The following PRX variants were observed in gnomAD, a reference collection of about 807,000 sequenced individuals.
PRX encodes the protein periaxin.
PRX carries 24 observed loss-of-function variants against 29.6 expected under a neutral mutation model. The ratio of observed to expected loss-of-function variants is 0.81; its 90% confidence interval spans 0.59 to 1.14. PRX has a LOEUF of 1.14. Ranked by LOEUF, PRX falls within the 50% of genes most tolerant of loss-of-function variation. The probability of loss-of-function intolerance (pLI) is 0.00; values close to 1 mark genes in which losing one functional copy is unlikely to be tolerated. For missense variants in PRX, 1,838 were observed against 1,926.4 expected, an observed-to-expected ratio of 0.95 and a Z score of 0.86; for synonymous variants, 772 against 831.7, an observed-to-expected ratio of 0.93 and a Z score of 1.24.
intron 4 of PRX, among the ~76,000 whole-genome samples, chr19:40,404,410 C>T (rs1394748852): frequency 4.4e-4 from 2 of 4,548 alleles, no homozygotes; most frequent in Admixed American, 6.1e-3. Flanking sequence ...GTGGTCAGGT[C>T]GGGAGGGCGG....
chr19:40,396,711 C>T lies in PRX; in HGVS notation c.1641G>A (p.Gln547=). 1 of 1,613,220 alleles carries T rather than the reference C, an allele frequency of 6.2e-7. No individual in the cohort carries two copies. The highest frequency in any genetic ancestry group is 2.2e-5 in the East Asian group (1 of 44,540). The change falls in exon 7 of 7, where the codon CAG becomes CAA. Residue 547 remains glutamine, a synonymous_variant. Coordinates refer to ENST00000324001, the MANE Select transcript of PRX (RefSeq NM_181882.3). The part of the protein sequence containing the change: ...AVPEVRLPEV[Q]LPKVSEMKLP... ...GTTTCATCTCTGACACTTTCGGCAG[C>T]TGTACCTCTGGAAGCCGCACCTCCG... is the stretch of plus-strand genomic sequence containing the variant.
intron 1 of PRX, among the ~76,000 whole-genome samples, chr19:40,409,451 C>CTATTAT (rs141778541): frequency 0.15 from 21,445 of 142,148 alleles, 1,813 homozygotes; most frequent in Admixed American, 0.21. Flanking sequence ...TAAATACTTG[C>CTATTAT]TATTATTATT....
In PRX at chr19:40,398,191, C is replaced by T. The variant is rs1004451285; in HGVS notation, c.382-221G>A. On this transcript the variant is annotated intron_variant, in intron 6 of 6. Transcript: ENST00000324001. The surrounding 1 kb of genome is among the most constrained non-coding windows in gnomAD (Gnocchi z 6.3). The stretch of plus-strand genomic sequence containing the variant: ...AAATGAGTCAACAGGAGTGTAGGGA[C>T]GGGGACCCAAGACTTCTAGATCCTG... 6.3e-6 allele frequency: 9 copies of T among 1,420,526 alleles called. No individual in the cohort carries two copies. In the East Asian group the frequency reaches 7.7e-5, roughly 12 times the overall value. 88.0% of individuals were successfully genotyped at this position (1,420,526 alleles called of 1,614,324 possible).
chr19:40,398,237 T>C lies in PRX; in HGVS notation c.382-267A>G. ...TCCTGATCCGGGATTTTCCCCAACA[T>C]CCTCATTCTAGAGATGGGGAAACTG... On this transcript the variant is annotated intron_variant, in intron 6 of 6. Transcript: ENST00000324001. The surrounding 1 kb of genome is among the most constrained non-coding windows in gnomAD (Gnocchi z 6.3). 6 of 1,412,896 alleles carry C rather than the reference T, an allele frequency of 4.2e-6. No homozygotes were observed. The highest frequency in any genetic ancestry group is 5.5e-6 in the Non-Finnish European group (6 of 1,089,046). The allele number at this position is 1,412,896 out of a possible 1,614,324, so 87.5% of individuals were successfully genotyped here.
intron 5 of PRX, among the ~76,000 whole-genome samples, chr19:40,400,937 C>A (rs1460896702): frequency 6.6e-6 from 1 of 152,160 alleles, no homozygotes; most frequent in African/African-American, 2.4e-5. Flanking sequence ...GACTCACATC[C>A]AACATCTCCA....
chr19:40,400,863 A>C (rs1034354644), intron 5 of PRX, among the ~76,000 whole-genome samples: 1 of 152,068 alleles, frequency 6.6e-6, no homozygotes, highest in African/African-American at 2.4e-5. Context: ...AAGTTAAAAG[A>C]CCATAAATCT....
In PRX at chr19:40,397,642, A is replaced by T. The variant is rs1231541046; in HGVS notation, c.710T>A (p.Val237Asp). ...CTCCGCCCCTGGCAGCCGCGGCCCA[A>T]CCAGCTCCACCTGAGGGGCTGTGAA... is the stretch of plus-strand genomic sequence containing the variant. ...ARFTAPQVEL[V>D]GPRLPGAEVG... The change falls in exon 7 of 7, where the codon GTT becomes GAT. Residue 237 changes from valine (V) to aspartate (D), a missense_variant. Transcript: ENST00000324001. The T allele has an allele frequency of 1.3e-6, 2 of 1,546,004 alleles. No homozygotes were observed. The highest frequency in any genetic ancestry group is 1.2e-5 in the South Asian group (1 of 84,640).
Position 40,403,857 on chromosome 19 carries a change from C to T in PRX, c.33G>A (p.Leu11=). The part of the protein sequence containing the change: MEARSRSAEE[L]RRAELVEIIV... ...TAATTTCCACCAACTCCGCCCGCCTCAGCTCCTGCAGAGGGCGGCGAGGTG... is the reference window on the plus strand; with the variant it reads ...TAATTTCCACCAACTCCGCCCGCCTTAGCTCCTGCAGAGGGCGGCGAGGTG... The change falls in exon 5 of 7, where the codon CTG becomes CTA. Residue 11 remains leucine, a synonymous_variant. Transcript: ENST00000324001. The T allele has an allele frequency of 6.2e-7, 1 of 1,608,400 alleles. No individual in the cohort carries two copies.
chr19:40,394,244 G>T lies in PRX; in HGVS notation c.4108C>A (p.Arg1370Ser), dbSNP rs371438221. Residue 1370 changes from arginine to serine, a missense_variant, in exon 7 of 7, where the codon CGC becomes AGC. Physicochemically the swap from Arg to Ser is moderately radical, Grantham distance 110. This residue lies in a region of PRX where 1,143 missense variants were observed against 1,193.0 expected (regional missense o/e 0.96). Coordinates refer to ENST00000324001, the MANE Select transcript of PRX (RefSeq NM_181882.3). The surrounding 1 kb of genome is among the most constrained non-coding windows in gnomAD (Gnocchi z 5.8). Reference sequence around the variant, plus strand: ...AAGCGGACCCGGACCCGGCCCCGGCGACCCGAGGCCCCTTCCCCACTGCCC... The same window carrying T: ...AAGCGGACCCGGACCCGGCCCCGGCTACCCGAGGCCCCTTCCCCACTGCCC... Reference protein sequence around the residue: ...EEGSGEGASGRRGRVRVRLPR... With the variant: ...EEGSGEGASGSRGRVRVRLPR... 65 of 1,605,228 alleles carry T rather than the reference G, an allele frequency of 4.0e-5. No individual in the cohort carries two copies. The highest frequency in any genetic ancestry group is 8.5e-6 in the Non-Finnish European group (10 of 1,173,608).
In PRX at chr19:40,398,014, G is replaced by C. The variant is rs769746929; in HGVS notation, c.382-44C>G. 3.2e-6 allele frequency: 5 copies of C among 1,574,360 alleles called. No homozygotes were observed. In the South Asian group the frequency reaches 4.6e-5, roughly 15 times the overall value. ...GGCAGGAGGCGGTGGGACAGTGGGA[G>C]GCTGGGAGTGGACAGGAAGAGCCCC... On this transcript the variant is annotated intron_variant, in intron 6 of 6. Coordinates refer to ENST00000324001, the MANE Select transcript of PRX (RefSeq NM_181882.3). This position sits in a 1 kb window ranked among gnomAD's most constrained non-coding sequence, Gnocchi z 6.3.
chr19:40,394,119 G>A lies in PRX; in HGVS notation c.4233C>T (p.Arg1411=). ...SPVREKSPKF[R]FPRVSLSPKA... The stretch of plus-strand genomic sequence containing the variant: ...TGGGGCTTAGGGACACCCTGGGGAA[G>A]CGGAACTTGGGTGACTTCTCTCTGA... The change falls in exon 7 of 7, where the codon CGC becomes CGT. Residue 1411 remains arginine (R), a synonymous_variant. Transcript: ENST00000324001. The surrounding 1 kb of genome is among the most constrained non-coding windows in gnomAD (Gnocchi z 5.8). 1 of 1,605,314 alleles carries A rather than the reference G, an allele frequency of 6.2e-7. No homozygotes were observed. Among genetic ancestry groups the A allele is most frequent in the Non-Finnish European group, 8.5e-7 (1 of 1,173,892 alleles).
intron 1 of PRX, among the ~76,000 whole-genome samples, chr19:40,409,063 G>A (rs1393513665): frequency 6.6e-6 from 1 of 151,758 alleles, no homozygotes; most frequent in South Asian, 2.1e-4. Flanking sequence ...TGCTGGCCAG[G>A]CTGGTCTTGA....
In PRX at chr19:40,403,688, C is replaced by T. The variant is rs1048072222; in HGVS notation, c.184+18G>A. On this transcript the variant is annotated intron_variant, in intron 5 of 6. Coordinates refer to ENST00000324001, the MANE Select transcript of PRX (RefSeq NM_181882.3). ...GCCCCCGCAGTTCGACCCCGCCCCA[C>T]ACCCCGGGCCCGCCCACCTTCCTGC... The T allele has an allele frequency of 2.6e-6, 4 of 1,537,660 alleles. No individual in the cohort carries two copies. The highest frequency in any genetic ancestry group is 3.5e-6 in the Non-Finnish European group (4 of 1,140,408).
rs1367409358 is a variant in PRX at position 40,403,880 on chromosome 19, G to C, written c.28-18C>G. The C allele has an allele frequency of 4.4e-6, 7 of 1,604,520 alleles. No homozygotes were observed. The highest frequency in any genetic ancestry group is 5.9e-6 in the Non-Finnish European group (7 of 1,178,534). ...CTCAGCTCCTGCAGAGGGCGGCGAG[G>C]TGTCGCGTTGGGGCTCTAGGGCCGG... On this transcript the variant is annotated intron_variant, in intron 4 of 6. Coordinates refer to ENST00000324001, the MANE Select transcript of PRX (RefSeq NM_181882.3).
intron 1 of PRX, among the ~76,000 whole-genome samples, chr19:40,412,230 A>G (rs544240896): frequency 6.6e-6 from 1 of 152,230 alleles, no homozygotes; most frequent in African/African-American, 2.4e-5. Flanking sequence ...GGGCTGACTC[A>G]TCCAGACCTC....
chr19:40,399,909 CTTTCTTTCTT>C (rs1568712033), intron 5 of PRX, among the ~76,000 whole-genome samples: 3 of 97,270 alleles, frequency 3.1e-5, no homozygotes, highest in Admixed American at 1.1e-4. Flanking sequence ...CTTTCTTTTT[CTTTCTTTCTT>C]TCTTTCACCC....
chr19:40,407,218 G>A (rs1599665642), intron 4 of PRX, among the ~76,000 whole-genome samples: 1 of 118,990 alleles, frequency 8.4e-6, no homozygotes, highest in South Asian at 2.4e-4. Flanking sequence ...GCCCTTGTGT[G>A]TGTGTGTGTG....
At position 40,396,123 on chromosome 19, in the gene PRX, G is replaced by A. The variant is rs144975214; in HGVS notation, c.2229C>T (p.Pro743=). ...PEMAVPDVHL[P]EVQLPKVSEI... is the part of the protein sequence containing the mutation. Reference sequence around the variant, plus strand: ...CTGACACTTTCGGCAGCTGCACCTCGGGGAGGTGCACATCGGGCACAGCCA... The same window carrying A: ...CTGACACTTTCGGCAGCTGCACCTCAGGGAGGTGCACATCGGGCACAGCCA... Residue 743 remains proline (P), a synonymous_variant, in exon 7 of 7, where the codon CCC becomes CCT. Transcript: ENST00000324001. 6.1e-5 allele frequency: 98 copies of A among 1,612,322 alleles called. No individual in the cohort carries two copies. The highest frequency in any genetic ancestry group is 8.1e-5 in the African/African-American group (6 of 74,438).
At chr19:40,414,640 T>C (rs536522418), upstream of PRX, among the ~76,000 whole-genome samples, 58 of 152,158 alleles carry the variant, frequency 3.8e-4, no homozygotes, top group African/African-American at 1.2e-3. Context: ...AAGCCAAAGC[T>C]ACCAGGCCTC....
Sources: allele counts gnomAD v4.1 joint callset (sites outside exome capture counted in the v4.1 genomes callset), GRCh38; gene constraint gnomAD v4.1.1; regional missense constraint gnomAD v4.1.1; non-coding constraint Gnocchi (gnomAD v3.1); transcripts MANE v1.5; gene names NCBI Gene and HGNC (gene_info 2026-07-23, HGNC 2026-07-21).